The following AFAP1 variants were observed in gnomAD, a reference collection of about 807,000 sequenced individuals.
The protein encoded by AFAP1 is actin filament-associated protein 1.
AFAP1 carries 75 observed loss-of-function variants against 93.9 expected under a neutral mutation model. The observed-to-expected ratio is 0.80, with a 90% CI of 0.66 to 0.97. The LOEUF (loss-of-function observed/expected upper bound fraction) is 0.97. Ranked by LOEUF, AFAP1 falls within the 50% of genes least tolerant of loss-of-function variation. The pLI is 0.00. For missense variants in AFAP1, 1,201 were observed against 1,050.8 expected (o/e 1.14, Z -1.98); for synonymous variants, 517 against 430.7 (o/e 1.20, Z -2.48).
Position 7,790,176 on chromosome 4 carries a change from T to C in AFAP1, c.1412+3505A>G, listed in dbSNP as rs139183523. On this transcript the variant is annotated intron_variant, in intron 11 of 17. Coordinates refer to ENST00000420658, the MANE Select transcript of AFAP1 (RefSeq NM_001134647.2). ...TATTCATCACACTGGCAAGCAACCA[T>C]ATTTTGAACACTGTTTCCTTGTCAC... 1.2e-3 allele frequency among the ~76,000 whole-genome samples: 189 copies of C among 152,264 alleles called. 1 individual carries two copies. In the East Asian group the frequency reaches 0.02, roughly 16 times the overall value.
chr4:7,916,547 A>G (rs1720093398), intron 1 of AFAP1, among the ~76,000 whole-genome samples: 1 of 152,190 alleles, frequency 6.6e-6, no homozygotes, highest in Non-Finnish European at 1.5e-5. Context: ...CATCAAGTCC[A>G]CTTACTATGA....
At chr4:7,905,105 A>G (rs1332022105) in intron 1 of AFAP1, among the ~76,000 whole-genome samples, 2 of 152,176 alleles carry the variant, frequency 1.3e-5, no homozygotes, top group Non-Finnish European at 2.9e-5. Context: ...TCCCTCCTCC[A>G]TACCGTAATG....
At chr4:7,908,828 A>T (rs1407199086) in intron 1 of AFAP1, among the ~76,000 whole-genome samples, 1 of 152,250 alleles carries the variant, frequency 6.6e-6, no homozygotes, top group African/African-American at 2.4e-5. Flanking sequence ...GCATAAGATC[A>T]TCTCCTCCAA....
At chr4:7,832,663 CAT>C (rs1449310202) in intron 6 of AFAP1, among the ~76,000 whole-genome samples, 1 of 80,986 alleles carries the variant, frequency 1.2e-5, no homozygotes, top group Non-Finnish European at 2.3e-5. Flanking sequence ...TCCTAAAATT[CAT>C]ATGTTAAAAA....
intron 4 of AFAP1, among the ~76,000 whole-genome samples, chr4:7,850,841 T>C (rs1714350738): frequency 6.6e-6 from 1 of 152,246 alleles, no homozygotes; most frequent in African/African-American, 2.4e-5. Context: ...AAGTCATAGA[T>C]GAGTTGCAGT....
intron 1 of AFAP1, among the ~76,000 whole-genome samples, chr4:7,888,405 G>A (rs992871104): frequency 6.6e-6 from 1 of 152,120 alleles, no homozygotes; most frequent in African/African-American, 2.4e-5. Context: ...CTATTACAAG[G>A]ATCAGTAAGG....
At chr4:7,916,552 C>A (rs561029966) in intron 1 of AFAP1, among the ~76,000 whole-genome samples, 1 of 152,308 alleles carries the variant, frequency 6.6e-6, no homozygotes, top group Non-Finnish European at 1.5e-5. Flanking sequence ...AGTCCACTTA[C>A]TATGATAGCT....
At position 7,768,840 on chromosome 4, in the gene AFAP1, T is replaced by A; in HGVS notation, c.2418+4A>T. 6.3e-7 allele frequency: 1 copy of A among 1,587,258 alleles called. No individual in the cohort carries two copies. Among genetic ancestry groups the A allele is most frequent in the Non-Finnish European group, 8.6e-7 (1 of 1,161,670 alleles). ...CCCAGACACCCCCGGACATCAGGGC[T>A]TACCTTGGCCTTCCGCAGCACATGC... On this transcript the variant is annotated splice_donor_region_variant and intron_variant, in intron 17 of 17. Transcript: ENST00000420658.
At chr4:7,876,926 T>C (rs1232353351) in intron 1 of AFAP1, among the ~76,000 whole-genome samples, 1 of 152,180 alleles carries the variant, frequency 6.6e-6, no homozygotes, top group Non-Finnish European at 1.5e-5. Flanking sequence ...TATTTTCTAC[T>C]TGACAGTCTT....
intron 3 of AFAP1, among the ~76,000 whole-genome samples, chr4:7,855,981 G>A (rs765243433): frequency 4.3e-4 from 65 of 152,118 alleles, no homozygotes; most frequent in Non-Finnish European, 7.6e-4. Flanking sequence ...GGCCTCAGAC[G>A]CAGACTCTGG....
Position 7,758,875 on chromosome 4 carries a change from A to G in AFAP1, c.*4890T>C, listed in dbSNP as rs1167722264. ...ACTGAAAACTAGGATTTTCCTTGCA[A>G]GTTTCTTTTCATAAAATTTTTACTT... On this transcript the variant is annotated 3_prime_UTR_variant, in exon 18 of 18. Transcript: ENST00000420658. The G allele has an allele frequency of 6.6e-6, 1 of 152,252 alleles. No individual in the cohort carries two copies. The highest frequency in any genetic ancestry group is 1.5e-5 in the Non-Finnish European group (1 of 68,042). 9.4% of individuals were successfully genotyped at this position (152,252 alleles called of 1,614,324 possible). A position where few individuals can be genotyped will look rare whatever the true frequency, so the allele number is the denominator to read the frequency against.
intron 11 of AFAP1, among the ~76,000 whole-genome samples, chr4:7,787,532 G>A (rs140666636): frequency 7.9e-4 from 121 of 152,284 alleles, no homozygotes; most frequent in African/African-American, 2.7e-3. Context: ...TGGGGAGCCT[G>A]ACGCTGCCTC....
At chr4:7,789,293 G>T (rs1044107265) in intron 11 of AFAP1, among the ~76,000 whole-genome samples, 3 of 152,128 alleles carry the variant, frequency 2.0e-5, no homozygotes, top group Non-Finnish European at 2.9e-5. Context: ...CCAAAACCAG[G>T]AGAGAGTCAA....
chr4:7,855,826 G>A (rs553764480), intron 3 of AFAP1, among the ~76,000 whole-genome samples: 63 of 152,302 alleles, frequency 4.1e-4, no homozygotes, highest in African/African-American at 1.4e-3. Context: ...TTCGGTGTGT[G>A]CAGCAGTCTC....
At chr4:7,854,813 C>T (rs1306150033) in intron 4 of AFAP1, among the ~76,000 whole-genome samples, 1 of 152,188 alleles carries the variant, frequency 6.6e-6, no homozygotes, top group Non-Finnish European at 1.5e-5. Flanking sequence ...CTGACAGATA[C>T]TGAAAGGAGA....
chr4:7,911,706 C>A (rs1719741487), intron 1 of AFAP1, among the ~76,000 whole-genome samples: 1 of 152,184 alleles, frequency 6.6e-6, no homozygotes, highest in South Asian at 2.1e-4. Context: ...GATTCTAGAA[C>A]CAGTACTTGT....
At chr4:7,880,944 T>C (rs949263166) in intron 1 of AFAP1, among the ~76,000 whole-genome samples, 1 of 152,170 alleles carries the variant, frequency 6.6e-6, no homozygotes, top group Non-Finnish European at 1.5e-5. Flanking sequence ...CTTCACACTT[T>C]ACTGATGTGC....
At chr4:7,848,808 C>G (rs894573285) in intron 4 of AFAP1, among the ~76,000 whole-genome samples, 1 of 152,212 alleles carries the variant, frequency 6.6e-6, no homozygotes, top group African/African-American at 2.4e-5. Context: ...TCACCAGAAA[C>G]TAGTTTCATG....
At chr4:7,804,606 C>T (rs11735857) in intron 9 of AFAP1, among the ~76,000 whole-genome samples, 4,077 of 152,228 alleles carry the variant, frequency 0.027, 74 homozygotes, top group Non-Finnish European at 0.045. Context: ...GTCTCAGTGC[C>T]GGGTGGCTCT....
Sources: gnomAD v4.1 joint callset for allele counts (sites outside exome capture counted in the v4.1 genomes callset) on GRCh38, gnomAD v4.1.1 for gene constraint, MANE v1.5 for transcripts, NCBI Gene and HGNC (gene_info 2026-07-23, HGNC 2026-07-21) for gene names.